Variants in HSD17B11 observed in about 807,000 individuals in gnomAD.
HSD17B11 encodes the protein estradiol 17-beta-dehydrogenase 11.
Under a neutral mutation model 27.8 loss-of-function variants are expected in HSD17B11, and 22 were observed. The ratio of observed to expected loss-of-function variants is 0.79; its 90% confidence interval spans 0.56 to 1.13. HSD17B11 has a LOEUF of 1.13. Among genes scored for constraint, HSD17B11 ranks in the 50% most tolerant of loss-of-function variants. The pLI is 0.00. For synonymous variants in HSD17B11, 117 were observed against 132.8 expected (o/e 0.88, Z 0.82); for missense variants, 314 against 351.1 (o/e 0.89, Z 0.84).
At chr4:87,337,996 T>C (rs1386465082) in intron 6 of HSD17B11, among the ~76,000 whole-genome samples, 1 of 152,136 alleles carries the variant, frequency 6.6e-6, no homozygotes, top group Non-Finnish European at 1.5e-5. Context: ...GGCGGGTGGA[T>C]CACGAGGTCA....
rs890542330 is a variant in HSD17B11 at position 87,368,141 on chromosome 4, T to C, written c.557+4568A>G. 2.6e-5 allele frequency among the ~76,000 whole-genome samples: 4 copies of C among 151,720 alleles called. 1 individual carries two copies. Among genetic ancestry groups the C allele is most frequent in the African/African-American group, 9.7e-5 (4 of 41,256 alleles). ...GACCATCCTGGCTAACATGGTGAAA[T>C]CCCGTCTCTACTAAAAATACAAAAA... is the stretch of plus-strand genomic sequence containing the variant. On this transcript the variant is annotated intron_variant, in intron 4 of 6. Coordinates refer to ENST00000358290, the MANE Select transcript of HSD17B11 (RefSeq NM_016245.5).
chr4:87,353,759 A>C (rs978585116), intron 5 of HSD17B11, among the ~76,000 whole-genome samples: 1 of 152,202 alleles, frequency 6.6e-6, no homozygotes, highest in Admixed American at 6.5e-5. Flanking sequence ...AAATTCAATT[A>C]TAACTTTTGA....
chr4:87,382,934 C>T (rs561770877), intron 1 of HSD17B11, among the ~76,000 whole-genome samples: 31 of 152,118 alleles, frequency 2.0e-4, no homozygotes, highest in Non-Finnish European at 3.8e-4. Flanking sequence ...AGTAGGACCA[C>T]GTAATACTGT....
In HSD17B11 at chr4:87,360,151, G is replaced by A. The variant is rs1043767071; in HGVS notation, c.558-2735C>T. Among the ~76,000 whole-genome samples, 14 of 151,774 alleles carry A rather than the reference G, an allele frequency of 9.2e-5. No homozygotes were observed. In the South Asian group the frequency reaches 1.0e-3, roughly 11 times the overall value. Reference sequence around the variant, plus strand: ...AATTTTCATCTGAGTTTTTTTCAATGTACAGATATTTCACCTCATATAATT... The same window carrying A: ...AATTTTCATCTGAGTTTTTTTCAATATACAGATATTTCACCTCATATAATT... On this transcript the variant is annotated intron_variant, in intron 4 of 6. Coordinates refer to ENST00000358290, the MANE Select transcript of HSD17B11 (RefSeq NM_016245.5).
At chr4:87,338,546 T>C (rs1222235395) in intron 6 of HSD17B11, among the ~76,000 whole-genome samples, 1 of 152,156 alleles carries the variant, frequency 6.6e-6, no homozygotes, top group Non-Finnish European at 1.5e-5. Context: ...TTTTATTTAT[T>C]TATTTTTGAG....
intron 4 of HSD17B11, among the ~76,000 whole-genome samples, chr4:87,363,070 G>C (rs1044610132): frequency 6.6e-6 from 1 of 152,142 alleles, no homozygotes; most frequent in African/African-American, 2.4e-5. Flanking sequence ...GTGCTAAGCA[G>C]AGTAGCTAAT....
Position 87,337,343 on chromosome 4 carries a change from G to A in HSD17B11, c.836C>T (p.Ala279Val). 6.3e-7 allele frequency: 1 copy of A among 1,593,048 alleles called. No individual in the cohort carries two copies. The highest frequency in any genetic ancestry group is 8.6e-7 in the Non-Finnish European group (1 of 1,162,736). Residue 279 changes from alanine (A) to valine (V), a missense_variant, in exon 7 of 7, where the codon GCA becomes GTA. Physicochemically the swap from Ala to Val is moderately conservative, Grantham distance 64. Transcript: ENST00000358290. ...AACACTGATTTTTCGTTTTAAAACT[G>A]CCAGGAAACGCTCAGGAAGGATCCT... ...LERILPERFL[A>V]VLKRKISVKF...
At chr4:87,365,942 T>G (rs1367805018) in intron 4 of HSD17B11, 3 of 152,208 alleles carry the variant, frequency 2.0e-5, no homozygotes, top group Non-Finnish European at 4.4e-5. Flanking sequence ...CCGCAACCTC[T>G]GCTTCCCGGG....
At chr4:87,378,883 T>TATAAATAA (rs1560769287) in intron 2 of HSD17B11, among the ~76,000 whole-genome samples, 2 of 12,954 alleles carry the variant, frequency 1.5e-4, no homozygotes, top group Non-Finnish European at 2.3e-4. Context: ...TATATATAAA[T>TATAAATAA]ATATATATAT....
At position 87,391,096 on chromosome 4, in the gene HSD17B11, T is replaced by C; in HGVS notation, c.-26A>G. On this transcript the variant is annotated 5_prime_UTR_variant, in exon 1 of 7. Coordinates refer to ENST00000358290, the MANE Select transcript of HSD17B11 (RefSeq NM_016245.5). ...CCCTTTTGTGGCTGCGAGCGTTTGG[T>C]GTGTTTTTTTTTTTTTTTACCACTC... 2.6e-6 allele frequency: 4 copies of C among 1,513,690 alleles called. No individual in the cohort carries two copies. Among genetic ancestry groups the C allele is most frequent in the Non-Finnish European group, 3.5e-6 (4 of 1,131,052 alleles). The allele number at this position is 1,513,690 out of a possible 1,614,324, so 93.8% of individuals were successfully genotyped here. A position where few individuals can be genotyped will look rare whatever the true frequency, so the allele number is the denominator to read the frequency against.
chr4:87,360,048 T>A (rs939612314), intron 4 of HSD17B11, among the ~76,000 whole-genome samples: 7 of 152,322 alleles, frequency 4.6e-5, no homozygotes, highest in African/African-American at 1.7e-4. Flanking sequence ...ATAAAAATGA[T>A]TTACTTTAGG....
chr4:87,382,349 T>G lies in HSD17B11; in HGVS notation c.224A>C (p.Glu75Ala). 1 of 1,613,616 alleles carries G rather than the reference T, an allele frequency of 6.2e-7. No homozygotes were observed. Among genetic ancestry groups the G allele is most frequent in the Non-Finnish European group, 8.5e-7 (1 of 1,179,614 alleles). Residue 75 changes from glutamate (E) to alanine (A), a missense_variant, in exon 2 of 7, where the codon GAA (glutamate) becomes GCA (alanine). Physicochemically the swap from Glu to Ala is moderately radical, Grantham distance 107 (BLOSUM62 -1). Transcript: ENST00000358290. ...CAGTCCCTTGCATTTGGCAGCTGTT[T>G]CCTCCAGTCCATGCTAGAAAAAGCA... The part of the protein sequence containing the change: ...LWDINKHGLE[E>A]TAAKCKGLGA...
chr4:87,379,551 A>C (rs948423948), intron 2 of HSD17B11, among the ~76,000 whole-genome samples: 1 of 146,544 alleles, frequency 6.8e-6, no homozygotes, highest in Non-Finnish European at 1.5e-5. Context: ...TTATATACAT[A>C]TACATCTACA....
intron 4 of HSD17B11, among the ~76,000 whole-genome samples, chr4:87,372,170 G>C (rs1735729349): frequency 6.7e-6 from 1 of 149,706 alleles, no homozygotes; most frequent in South Asian, 2.1e-4. Context: ...GTGAACCCAG[G>C]AGGCGGAGCT....
chr4:87,372,242 C>CA (rs10618602), intron 4 of HSD17B11, among the ~76,000 whole-genome samples: 1,000 of 98,778 alleles, frequency 0.01, 7 homozygotes, highest in South Asian at 0.028. Context: ...GACTCCGTCT[C>CA]AAAAAAAAAA....
intron 1 of HSD17B11, among the ~76,000 whole-genome samples, chr4:87,386,579 A>G (rs923989216): frequency 2.7e-5 from 4 of 146,626 alleles, no homozygotes; most frequent in Non-Finnish European, 4.5e-5. Flanking sequence ...GTAAGAAATA[A>G]AAAATAAGCA....
chr4:87,381,351 C>CT (rs1164583115), intron 2 of HSD17B11, among the ~76,000 whole-genome samples: 12 of 152,084 alleles, frequency 7.9e-5, no homozygotes, highest in Admixed American at 6.6e-5. Context: ...TTCTGATGAC[C>CT]TTGCTGCCAT....
chr4:87,367,596 T>C (rs1387516896), intron 4 of HSD17B11, among the ~76,000 whole-genome samples: 1 of 152,188 alleles, frequency 6.6e-6, no homozygotes, highest in East Asian at 1.9e-4. Flanking sequence ...CTTACCATAA[T>C]GTGTCTTTAA....
At chr4:87,347,116 C>CTTTTTTTTTTTTTTTTT (rs70957224) in intron 5 of HSD17B11, among the ~76,000 whole-genome samples, 6 of 44,290 alleles carry the variant, frequency 1.4e-4, no homozygotes, top group South Asian at 7.8e-4. Flanking sequence ...TTTTTTTTTT[C>CTTTTTTTTTTTTTTTTT]TTTTTTTTTT....
Sources: gnomAD v4.1 joint callset for allele counts (sites outside exome capture counted in the v4.1 genomes callset) on GRCh38, gnomAD v4.1.1 for gene constraint, MANE v1.5 for transcripts, NCBI Gene and HGNC (gene_info 2026-07-23, HGNC 2026-07-21) for gene names.